Variants in GOLM1 observed in about 807,000 individuals in gnomAD.
GOLM1 encodes the protein epididymis luminal protein 46.
In GOLM1, 31 loss-of-function variants were observed where a neutral mutation model predicts 50.5. The observed-to-expected ratio is 0.61, with a 90% confidence interval of 0.46 to 0.83. The LOEUF is 0.83. Ranked by LOEUF, GOLM1 falls within the 40% of genes least tolerant of loss-of-function variation. The probability of loss-of-function intolerance (pLI) is 0.00; values close to 1 mark genes in which losing one functional copy is unlikely to be tolerated. For synonymous variants in GOLM1, 178 were observed against 192.8 expected, an observed-to-expected ratio of 0.92 and a Z score of 0.64; for missense variants, 491 against 501.3, an observed-to-expected ratio of 0.98 and a Z score of 0.20.
Position 86,033,272 on chromosome 9 carries a change from C to G in GOLM1, c.1129+10G>C. The G allele has an allele frequency of 6.9e-7, 1 of 1,444,408 alleles. No homozygotes were observed. Among genetic ancestry groups the G allele is most frequent in the Admixed American group, 1.7e-5 (1 of 59,804 alleles). 89.5% of individuals were successfully genotyped at this position (1,444,408 alleles called of 1,614,324 possible). A position where few individuals can be genotyped will look rare whatever the true frequency, so the allele number is the denominator to read the frequency against. On this transcript the variant is annotated intron_variant, in intron 9 of 9. Transcript: ENST00000388712. ...GGTGACCTCGTCACCGATGTAGGCC[C>G]CATTCTTACCATCTATGTTTCTGTC...
chr9:86,099,680 AC>A (rs1835476326), upstream of GOLM1: 1 of 150,990 alleles, frequency 6.6e-6, no homozygotes, highest in African/African-American at 2.4e-5. Flanking sequence ...TCCCGGCCCC[AC>A]GGTGCGCGCG....
At chr9:86,081,641 G>A (rs1456394682) in intron 1 of GOLM1, among the ~76,000 whole-genome samples, 1 of 152,074 alleles carries the variant, frequency 6.6e-6, no homozygotes, top group Non-Finnish European at 1.5e-5. Context: ...TGTAATCCCA[G>A]CACTTTGGGA....
At chr9:86,084,999 C>A (rs991206521) in intron 1 of GOLM1, 1 of 152,234 alleles carries the variant, frequency 6.6e-6, no homozygotes, top group East Asian at 1.9e-4. Context: ...GAGTCGAGAT[C>A]GCGCCACTGC....
At chr9:86,036,205 T>C in intron 7 of GOLM1, 143 bp downstream of exon 7, 1 of 804,618 alleles carries the variant, frequency 1.2e-6, no homozygotes, top group Non-Finnish European at 2.1e-6. Context: ...AAAGCCCCAA[T>C]TCCAGGGGCC....
upstream of GOLM1, among the ~76,000 whole-genome samples, chr9:86,099,727 A>G (rs577052372): frequency 6.6e-6 from 1 of 151,848 alleles, no homozygotes; most frequent in Admixed American, 6.5e-5. Flanking sequence ...GGGAGCAGGA[A>G]CGCCAGCGTG....
intron 3 of GOLM1, among the ~76,000 whole-genome samples, chr9:86,060,562 G>A (rs1834122646): frequency 6.6e-6 from 1 of 152,102 alleles, no homozygotes; most frequent in African/African-American, 2.4e-5. Flanking sequence ...AAGATGACAT[G>A]ATTATGTTTT....
chr9:86,089,948 T>C (rs572254790), intron 1 of GOLM1, among the ~76,000 whole-genome samples: 3 of 152,310 alleles, frequency 2.0e-5, no homozygotes, highest in African/African-American at 7.2e-5. Flanking sequence ...TCTGTGTGGA[T>C]GTCCTTTTTG....
chr9:86,055,177 T>C (rs1165610525), intron 3 of GOLM1, among the ~76,000 whole-genome samples: 1 of 152,162 alleles, frequency 6.6e-6, no homozygotes, highest in Non-Finnish European at 1.5e-5. Flanking sequence ...GCTCTGAGGA[T>C]ATGGAACATT....
At position 86,039,425 on chromosome 9, in the gene GOLM1, T is replaced by A. The variant is rs538846293; in HGVS notation, c.597+1314A>T. On this transcript the variant is annotated intron_variant, in intron 6 of 9. Coordinates refer to ENST00000388712, the MANE Select transcript of GOLM1 (RefSeq NM_016548.4). ...AATAGGTTAAATATAGATTACCATA[T>A]AACCCAGCAGTTCCACTCCTAGGTA... Among the ~76,000 whole-genome samples the A allele has an allele frequency of 9.8e-5, 15 of 152,320 alleles. No individual in the cohort carries two copies. The East Asian group carries it at 2.7e-3, about 27-fold the overall frequency.
chr9:86,095,733 T>C (rs760568246), intron 1 of GOLM1, among the ~76,000 whole-genome samples: 2 of 152,104 alleles, frequency 1.3e-5, no homozygotes, highest in Non-Finnish European at 2.9e-5. Context: ...AGCTGAAACT[T>C]GCAGTGTTCC....
chr9:86,090,942 G>A (rs1394734019), intron 1 of GOLM1, among the ~76,000 whole-genome samples: 5 of 152,182 alleles, frequency 3.3e-5, no homozygotes, highest in Non-Finnish European at 4.4e-5. Context: ...TGGGAAAAGC[G>A]TAGTATCTGG....
chr9:86,059,345 G>C (rs1265069170), intron 3 of GOLM1, among the ~76,000 whole-genome samples: 1 of 152,190 alleles, frequency 6.6e-6, no homozygotes, highest in Non-Finnish European at 1.5e-5. Context: ...ATCCACCTAA[G>C]GGACTATCGT....
chr9:86,043,251 TG>T (rs1396876253), intron 5 of GOLM1, among the ~76,000 whole-genome samples: 4 of 152,126 alleles, frequency 2.6e-5, no homozygotes, highest in African/African-American at 9.7e-5. Flanking sequence ...TCGGATGGAG[TG>T]CAGTGATTGC....
rs781336172 is a variant in GOLM1, at chr9:86,035,558, G to A, written c.825C>T (p.Gly275=). ...GTCTGTCTTCCACCACCTGCTCCCG[G>A]CCTGGCTCCTGCGGCAGCCTGTCCC... ...PQRDRLPQEP[G]REQVVEDRPV... is the part of the protein sequence containing the mutation. The change falls in exon 8 of 10, where the codon GGC becomes GGT. Residue 275 remains glycine (G), a synonymous_variant. Transcript: ENST00000388712. 10 of 1,610,138 alleles carry A rather than the reference G, an allele frequency of 6.2e-6. No homozygotes were observed. Among genetic ancestry groups the A allele is most frequent in the Non-Finnish European group, 8.5e-6 (10 of 1,179,828 alleles).
chr9:86,036,619 A>C, intron 6 of GOLM1, 112 bp from the exon 7 acceptor site: 2 of 1,093,964 alleles, frequency 1.8e-6, no homozygotes, highest in Admixed American at 2.7e-5. Flanking sequence ...TATCCTTCCA[A>C]CCAAGACCCC....
At chr9:86,085,272 A>C (rs1236916048) in intron 1 of GOLM1, among the ~76,000 whole-genome samples, 1 of 152,064 alleles carries the variant, frequency 6.6e-6, no homozygotes, top group Non-Finnish European at 1.5e-5. Context: ...CTGCATGTTC[A>C]TTTTGGTGAA....
At chr9:86,047,678 G>C (rs1368828533) in intron 4 of GOLM1, among the ~76,000 whole-genome samples, 1 of 152,088 alleles carries the variant, frequency 6.6e-6, no homozygotes, top group Non-Finnish European at 1.5e-5. Flanking sequence ...GTATATAAAC[G>C]ATACTTTAAT....
intron 3 of GOLM1, among the ~76,000 whole-genome samples, chr9:86,072,594 A>G (rs1215976045): frequency 6.6e-6 from 1 of 152,248 alleles, no homozygotes; most frequent in African/African-American, 2.4e-5. Context: ...CAAGGATTCC[A>G]GTAAATGTGG....
At chr9:86,039,586 C>T (rs1833264401) in intron 6 of GOLM1, among the ~76,000 whole-genome samples, 1 of 152,182 alleles carries the variant, frequency 6.6e-6, no homozygotes, top group South Asian at 2.1e-4. Flanking sequence ...GGTCTATCCA[C>T]AGGATGGATT....
Sources: gnomAD v4.1 joint callset for allele counts (sites outside exome capture counted in the v4.1 genomes callset) on GRCh38, gnomAD v4.1.1 for gene constraint, MANE v1.5 for transcripts, NCBI Gene and HGNC (gene_info 2026-07-23, HGNC 2026-07-21) for gene names.